PLXDC2: variants seen among roughly 807,000 people sequenced by gnomAD.
PLXDC2 encodes the protein plexin domain containing 2, also known as plexin domain-containing protein 2.
PLXDC2 carries 40 observed loss-of-function variants against 68.9 expected under a neutral mutation model. The ratio of observed to expected loss-of-function variants is 0.58; its 90% CI spans 0.45 to 0.76. The LOEUF is 0.76. Ranked by LOEUF, PLXDC2 falls within the 30% of genes least tolerant of loss-of-function variation. The pLI, the probability that PLXDC2 is intolerant of heterozygous loss-of-function variation, is 0.00. For synonymous variants in PLXDC2, 243 were observed against 234.2 expected, an observed-to-expected ratio of 1.04 and a Z score of -0.34; for missense variants, 644 against 661.9, an observed-to-expected ratio of 0.97 and a Z score of 0.30.
chr10:19,941,178 A>G (rs1237857332), intron 1 of PLXDC2, among the ~76,000 whole-genome samples: 2 of 152,172 alleles, frequency 1.3e-5, no homozygotes, highest in African/African-American at 4.8e-5. Context: ...TTCCCAGAGA[A>G]TAGACATTTT....
chr10:20,116,491 A>ATT (rs375626460), intron 4 of PLXDC2, among the ~76,000 whole-genome samples: 4 of 149,038 alleles, frequency 2.7e-5, no homozygotes, highest in Non-Finnish European at 3.0e-5. Context: ...TTAATAAGCC[A>ATT]TTTTTTTTTT....
At chr10:19,989,933 A>G (rs1392038546) in intron 1 of PLXDC2, among the ~76,000 whole-genome samples, 4 of 151,990 alleles carry the variant, frequency 2.6e-5, no homozygotes, top group African/African-American at 9.6e-5. Flanking sequence ...TATCTTTAGT[A>G]GTGAGGAGGT....
At chr10:20,029,353 C>A (rs990063154) in intron 2 of PLXDC2, among the ~76,000 whole-genome samples, 2 of 152,086 alleles carry the variant, frequency 1.3e-5, no homozygotes, top group African/African-American at 4.8e-5. Context: ...CATACATAAT[C>A]CATGCATCAT....
Position 19,994,669 on chromosome 10 carries a change from CAA to C in PLXDC2, c.113-7105_113-7104del, listed in dbSNP as rs528847266. On this transcript the variant is annotated intron_variant, in intron 1 of 13. Transcript: ENST00000377252. ...CAGTTTAAAATCTTAATAAGTTAGACAAGAGGTTTCATACATAAACTTTTAAG... is the reference window on the plus strand; with the variant it reads ...CAGTTTAAAATCTTAATAAGTTAGACGAGGTTTCATACATAAACTTTTAAG... Among the ~76,000 whole-genome samples, 280 of 151,316 alleles carry C rather than the reference CAA, an allele frequency of 1.9e-3. 1 individual carries two copies. Among genetic ancestry groups the C allele is most frequent in the Non-Finnish European group, 2.8e-3 (191 of 67,816 alleles).
chr10:20,214,137 C>T (rs751958998), intron 10 of PLXDC2, among the ~76,000 whole-genome samples: 3 of 151,962 alleles, frequency 2.0e-5, no homozygotes, highest in Admixed American at 1.3e-4. Flanking sequence ...TCATGTGAAC[C>T]GTTCATTTCT....
chr10:20,245,934 C>T (rs907810737), intron 13 of PLXDC2, among the ~76,000 whole-genome samples: 1 of 152,152 alleles, frequency 6.6e-6, no homozygotes, highest in African/African-American at 2.4e-5. Context: ...TGATGGGCCT[C>T]TTCTCAAAAT....
At chr10:20,260,898 T>C (rs1835801621) in intron 13 of PLXDC2, among the ~76,000 whole-genome samples, 1 of 152,216 alleles carries the variant, frequency 6.6e-6, no homozygotes, top group Admixed American at 6.5e-5. Flanking sequence ...CTACAGGTGT[T>C]AGGTGATTTC....
chr10:19,944,186 G>A (rs777366686), intron 1 of PLXDC2, among the ~76,000 whole-genome samples: 126 of 152,132 alleles, frequency 8.3e-4, no homozygotes, highest in Non-Finnish European at 1.6e-3. Context: ...ATATTCTCCC[G>A]AAGAATAGAG....
chr10:20,152,828 T>C (rs1483758757), intron 6 of PLXDC2, among the ~76,000 whole-genome samples: 1 of 152,164 alleles, frequency 6.6e-6, no homozygotes. Flanking sequence ...ATTTTTAAAA[T>C]AAAATATTGG....
intron 1 of PLXDC2, among the ~76,000 whole-genome samples, chr10:19,835,631 G>A (rs2131313080): frequency 6.6e-6 from 1 of 152,306 alleles, no homozygotes; most frequent in South Asian, 2.1e-4. Context: ...AGAGGGTCAA[G>A]GTCAGAGTCC....
intron 7 of PLXDC2, 92 bp from the exon 8 acceptor site, chr10:20,176,907 A>G (rs1325179559): frequency 3.5e-6 from 3 of 861,160 alleles, no homozygotes; most frequent in Admixed American, 2.3e-5. Flanking sequence ...ACATTGGGCT[A>G]TATGTATATA....
rs10466053 is a variant in PLXDC2 at position 20,152,190 on chromosome 10, T to C, written c.783+4288T>C. ...TGCACACTAAATGATGAATGATCAATAAATAAGAAAATACATTTAGAGTTA... is the reference window on the plus strand; with the variant it reads ...TGCACACTAAATGATGAATGATCAACAAATAAGAAAATACATTTAGAGTTA... On this transcript the variant is annotated intron_variant, in intron 6 of 13. Coordinates refer to ENST00000377252, the MANE Select transcript of PLXDC2 (RefSeq NM_032812.9). 8.3e-3 allele frequency among the ~76,000 whole-genome samples: 1,264 copies of C among 152,230 alleles called. 18 individuals are homozygous for C. The highest frequency in any genetic ancestry group is 0.028 in the African/African-American group (1,183 of 41,556).
chr10:19,925,783 A>G (rs1442437427), intron 1 of PLXDC2, among the ~76,000 whole-genome samples: 2 of 152,208 alleles, frequency 1.3e-5, no homozygotes, highest in East Asian at 3.9e-4. Flanking sequence ...GGCTTTTATC[A>G]GCCTCTGTAG....
In PLXDC2 at chr10:20,101,474, G is replaced by A. The variant is rs573584331; in HGVS notation, c.541+33235G>A. Among the ~76,000 whole-genome samples the A allele has an allele frequency of 4.2e-4, 64 of 152,162 alleles. 1 individual carries two copies. In the South Asian group the frequency reaches 0.012, roughly 29 times the overall value. ...TGTGCACTTCATATCTCAAATCTTT[G>A]TATTTCAAATCTTGAAAGCTGATTT... On this transcript the variant is annotated intron_variant, in intron 4 of 13. Coordinates refer to ENST00000377252, the MANE Select transcript of PLXDC2 (RefSeq NM_032812.9).
At chr10:20,119,966 G>A (rs1339402053) in intron 4 of PLXDC2, among the ~76,000 whole-genome samples, 3 of 152,150 alleles carry the variant, frequency 2.0e-5, no homozygotes, top group African/African-American at 7.2e-5. Flanking sequence ...GAGTGCCTAA[G>A]GAGATTCAGC....
chr10:19,862,332 A>T (rs1317863940), intron 1 of PLXDC2, among the ~76,000 whole-genome samples: 1 of 152,180 alleles, frequency 6.6e-6, no homozygotes. Context: ...AATGTGATGG[A>T]ATTAGTCCCA....
At chr10:20,149,524 C>T (rs1171869995) in intron 6 of PLXDC2, among the ~76,000 whole-genome samples, 1 of 152,206 alleles carries the variant, frequency 6.6e-6, no homozygotes, top group East Asian at 1.9e-4. Flanking sequence ...CAGGCGTGAG[C>T]CACTGCGCCC....
intron 1 of PLXDC2, among the ~76,000 whole-genome samples, chr10:19,901,307 T>C (rs915042722): frequency 3.9e-5 from 6 of 152,160 alleles, no homozygotes; most frequent in African/African-American, 1.4e-4. Flanking sequence ...TGTAAAAGTG[T>C]TCCCTTTTTA....
chr10:20,032,198 C>T (rs1835511297), intron 2 of PLXDC2, among the ~76,000 whole-genome samples: 1 of 152,086 alleles, frequency 6.6e-6, no homozygotes, highest in Non-Finnish European at 1.5e-5. Context: ...TTTAAAGGAA[C>T]TTAGAACAAT....
Sources: gnomAD v4.1 joint callset for allele counts (sites outside exome capture counted in the v4.1 genomes callset) on GRCh38, gnomAD v4.1.1 for gene constraint, MANE v1.5 for transcripts, NCBI Gene and HGNC (gene_info 2026-07-23, HGNC 2026-07-21) for gene names.